The following BPTF variants were observed in gnomAD, a reference collection of about 807,000 sequenced individuals.
The protein encoded by BPTF is bromodomain PHD finger transcription factor, also known as nucleosome-remodeling factor subunit BPTF.
BPTF carries 18 observed loss-of-function variants against 292.5 expected under a neutral mutation model. The ratio of observed to expected loss-of-function variants is 0.06; its 90% CI spans 0.04 to 0.09. BPTF has a LOEUF of 0.09. Ranked by LOEUF, BPTF falls within the 10% of genes least tolerant of loss-of-function variation. BPTF has a pLI of 1.00. For synonymous variants in BPTF, 1,225 were observed against 1,251.9 expected, an observed-to-expected ratio of 0.98 and a Z score of 0.45; for missense variants, 2,726 against 3,498.7, an observed-to-expected ratio of 0.78 and a Z score of 5.57.
In BPTF at chr17:67,978,306, A is replaced by ATTT. The variant is rs374442857; in HGVS notation, c.8726+2349_8726+2350insTTT. On this transcript the variant is annotated intron_variant, in intron 27 of 27. Transcript: ENST00000306378. ...GGGCCAGAAATATATATATATATAT[A>ATTT]TATTTTTTTTGAGACAGAGTCTCAC... Among the ~76,000 whole-genome samples, 7 of 141,648 alleles carry ATTT rather than the reference A, an allele frequency of 4.9e-5. No individual in the cohort carries two copies. The East Asian group carries it at 8.2e-4, about 17-fold the overall frequency. 92.9% of individuals were successfully genotyped at this position (141,648 alleles called of 152,430 possible). A position where few individuals can be genotyped will look rare whatever the true frequency, so the allele number is the denominator to read the frequency against.
intron 26 of BPTF, among the ~76,000 whole-genome samples, chr17:67,972,700 A>G (rs540364816): frequency 9.9e-5 from 15 of 151,988 alleles, no homozygotes; most frequent in African/African-American, 3.6e-4. Flanking sequence ...CATAATATAT[A>G]CTCACCTATG....
intron 4 of BPTF, chr17:67,886,088 G>A: frequency 7.3e-7 from 1 of 1,377,166 alleles, no homozygotes; most frequent in African/African-American, 1.4e-5. Flanking sequence ...CATTTTTCAT[G>A]TGATTTCCAA....
chr17:67,926,870 T>C (rs2063948796), intron 15 of BPTF, among the ~76,000 whole-genome samples: 1 of 151,778 alleles, frequency 6.6e-6, no homozygotes, highest in Non-Finnish European at 1.5e-5. Flanking sequence ...CCTGAGTAGC[T>C]GGAGCTACAG....
intron 9 of BPTF, 24 bp from the exon 10 acceptor site, chr17:67,909,558 T>G (rs2062506589): frequency 6.8e-7 from 1 of 1,469,086 alleles, no homozygotes; most frequent in African/African-American, 1.4e-5. Context: ...ATAACGTAAA[T>G]TATCGTTACA....
intron 1 of BPTF, among the ~76,000 whole-genome samples, chr17:67,849,702 C>G (rs1039470536): frequency 6.6e-6 from 1 of 151,986 alleles, no homozygotes; most frequent in African/African-American, 2.4e-5. Context: ...CTTTGGGAGG[C>G]TAAGGCGGGT....
chr17:67,853,562 A>G (rs1167110514), intron 1 of BPTF, among the ~76,000 whole-genome samples: 2 of 152,030 alleles, frequency 1.3e-5, no homozygotes, highest in Admixed American at 1.3e-4. Context: ...TTTCTCATTT[A>G]TATTCTTGTC....
At chr17:67,909,336 A>G (rs1393534059) in intron 9 of BPTF, among the ~76,000 whole-genome samples, 1 of 145,576 alleles carries the variant, frequency 6.9e-6, no homozygotes, top group African/African-American at 2.5e-5. Flanking sequence ...TATTTCACCA[A>G]AAATGTTCAC....
At chr17:67,891,358 A>T (rs886637020) in intron 4 of BPTF, 8 of 152,412 alleles carry the variant, frequency 5.2e-5, no homozygotes, top group African/African-American at 1.9e-4. Flanking sequence ...GCCTACACAG[A>T]TAATTATCTA....
chr17:67,867,744 G>A (rs2059471978), intron 3 of BPTF, among the ~76,000 whole-genome samples: 1 of 152,122 alleles, frequency 6.6e-6, no homozygotes, highest in Non-Finnish European at 1.5e-5. Flanking sequence ...ATTTTGGGGA[G>A]GAAGACCACA....
chr17:67,915,219 T>C (rs1437936818), intron 11 of BPTF, among the ~76,000 whole-genome samples: 6 of 152,180 alleles, frequency 3.9e-5, no homozygotes, highest in African/African-American at 1.2e-4. Context: ...CATTCCCTTA[T>C]GCCCATCCTC....
At chr17:67,936,185 T>C (rs1254128320) in intron 18 of BPTF, among the ~76,000 whole-genome samples, 1 of 152,204 alleles carries the variant, frequency 6.6e-6, no homozygotes, top group Non-Finnish European at 1.5e-5. Context: ...CCAATTCTAA[T>C]ATGAAATATA....
chr17:67,902,277 T>C (rs1033460436), intron 7 of BPTF, among the ~76,000 whole-genome samples: 18 of 152,152 alleles, frequency 1.2e-4, no homozygotes, highest in East Asian at 1.9e-4. Context: ...ATTCCTGGCC[T>C]CTCTCAGTGA....
intron 4 of BPTF, among the ~76,000 whole-genome samples, chr17:67,890,556 T>C (rs1045179338): frequency 6.6e-6 from 1 of 152,182 alleles, no homozygotes; most frequent in Non-Finnish European, 1.5e-5. Flanking sequence ...TGTGGCCAGC[T>C]AGTGGTGTGC....
chr17:67,878,770 CTG>C (rs2060201960), intron 4 of BPTF, among the ~76,000 whole-genome samples: 1 of 151,872 alleles, frequency 6.6e-6, no homozygotes. Flanking sequence ...TATAAATGTT[CTG>C]TTTTTTGCTT....
rs747491929 is a variant in BPTF at position 67,854,088 on chromosome 17, G to C, written c.762G>C (p.Arg254=). The change falls in exon 2 of 28, where the codon CGG becomes CGC. Residue 254 remains arginine, a synonymous_variant. Coordinates refer to ENST00000306378, the MANE Select transcript of BPTF (RefSeq NM_182641.4). This position sits in a 1 kb window ranked among gnomAD's most constrained non-coding sequence, Gnocchi z 5.6. The stretch of plus-strand genomic sequence containing the variant: ...TCATTGCCATTTACGAGGTACTGCG[G>C]AACTTTGGCACTGTTTTGAGATTAT... ...MNVIAIYEVL[R]NFGTVLRLSP... is the part of the protein sequence containing the mutation. 1.9e-6 allele frequency: 3 copies of C among 1,614,076 alleles called. No individual in the cohort carries two copies. The African/African-American group carries it at 4.0e-5, about 22-fold the overall frequency.
chr17:67,959,773 G>T lies in BPTF; in HGVS notation c.8159G>T (p.Ser2720Ile). 1 of 1,613,678 alleles carries T rather than the reference G, an allele frequency of 6.2e-7. No homozygotes were observed. ...AAGCGGGAAGAGGAAAAAGACTCCA[G>T]CTCAAAGTCCAAGAAAAAGAAAATG... is the stretch of plus-strand genomic sequence containing the variant. Reference protein sequence around the residue: ...KRKREEEKDSSSKSKKKKMIS... With the variant: ...KRKREEEKDSISKSKKKKMIS... The change falls in exon 24 of 28, where the codon AGC becomes ATC. Residue 2720 changes from serine to isoleucine, a missense_variant. Physicochemically the swap from Ser to Ile is moderately radical, Grantham distance 142. Transcript: ENST00000306378.
At chr17:67,942,134 G>A (rs1391951415) in intron 19 of BPTF, among the ~76,000 whole-genome samples, 3 of 152,090 alleles carry the variant, frequency 2.0e-5, no homozygotes, top group Non-Finnish European at 2.9e-5. Flanking sequence ...TGGCCAACAT[G>A]GGGAAACCCC....
At chr17:67,946,365 A>T in intron 21 of BPTF, 40 bp downstream of exon 21, 1 of 1,598,920 alleles carries the variant, frequency 6.3e-7, no homozygotes, top group Non-Finnish European at 8.5e-7. Context: ...CAGTAGCTTG[A>T]ATTATTGTGC....
At chr17:67,939,805 A>G (rs895095936) in intron 18 of BPTF, among the ~76,000 whole-genome samples, 5 of 152,166 alleles carry the variant, frequency 3.3e-5, no homozygotes, top group African/African-American at 9.6e-5. Flanking sequence ...GCTTGAACCC[A>G]GGAGGCAGAG....
Sources: gnomAD v4.1 joint callset for allele counts (sites outside exome capture counted in the v4.1 genomes callset) on GRCh38, gnomAD v4.1.1 for gene constraint, Gnocchi (gnomAD v3.1) non-coding constraint, MANE v1.5 for transcripts, NCBI Gene and HGNC (gene_info 2026-07-23, HGNC 2026-07-21) for gene names.